FCHO1: variants seen among roughly 807,000 people sequenced by gnomAD.
FCHO1 encodes the protein FCH and mu domain containing endocytic adaptor 1, also known as F-BAR domain only protein 1.
Under a neutral mutation model 114.4 loss-of-function variants are expected in FCHO1, and 45 were observed. The ratio of observed to expected loss-of-function variants is 0.39; its 90% CI spans 0.31 to 0.50. The LOEUF is 0.50. Among genes scored for constraint, FCHO1 ranks in the 20% least tolerant of loss-of-function variants. The probability of loss-of-function intolerance (pLI) is 0.77; values close to 1 mark genes in which losing one functional copy is unlikely to be tolerated. For missense variants in FCHO1, 1,042 were observed against 1,209.6 expected, an observed-to-expected ratio of 0.86 and a Z score of 2.06; for synonymous variants, 480 against 488.9, an observed-to-expected ratio of 0.98 and a Z score of 0.24.
chr19:17,777,579 A>G, intron 18 of FCHO1, among the ~76,000 whole-genome samples: 1 of 149,268 alleles, frequency 6.7e-6, no homozygotes, highest in African/African-American at 2.5e-5. Context: ...AAGTTAGAGC[A>G]TATTCGATAC....
chr19:17,748,163 A>C (rs1599486036), upstream of FCHO1, among the ~76,000 whole-genome samples: 1 of 152,204 alleles, frequency 6.6e-6, no homozygotes, highest in African/African-American at 2.4e-5. Flanking sequence ...CTCCCCTTCC[A>C]GCCTGGAACC....
upstream of FCHO1, among the ~76,000 whole-genome samples, chr19:17,751,321 C>T (rs942100985): frequency 6.6e-6 from 1 of 152,102 alleles, no homozygotes; most frequent in African/African-American, 2.4e-5. This position sits in a 1 kb window ranked among gnomAD's most constrained non-coding sequence, Gnocchi z 4.4. Context: ...AGGTTCAGGC[C>T]GGGGGGCTCC....
chr19:17,767,410 A>C (rs1691763472), intron 7 of FCHO1, among the ~76,000 whole-genome samples: 3 of 146,700 alleles, frequency 2.0e-5, no homozygotes, highest in East Asian at 2.0e-4. Flanking sequence ...AAAAAAAAAC[A>C]CCCAAAACTA....
At position 17,782,393 on chromosome 19, in the gene FCHO1, A is replaced by G. The variant is rs536694505; in HGVS notation, c.1937+573A>G. Among the ~76,000 whole-genome samples, 35 of 152,116 alleles carry G rather than the reference A, an allele frequency of 2.3e-4. No individual in the cohort carries two copies. In the South Asian group the frequency reaches 6.7e-3, roughly 29 times the overall value. Reference sequence around the variant, plus strand: ...CTGATTTTGTGTCTTTAGTAGAGACAGGGTTTCACCATGTTGGCCAGGCTG... The same window carrying G: ...CTGATTTTGTGTCTTTAGTAGAGACGGGGTTTCACCATGTTGGCCAGGCTG... On this transcript the variant is annotated intron_variant, in intron 23 of 28. Coordinates refer to ENST00000596536, the MANE Select transcript of FCHO1 (RefSeq NM_015122.3).
intron 5 of FCHO1, among the ~76,000 whole-genome samples, chr19:17,764,056 T>TC (rs1392334072): frequency 6.6e-6 from 1 of 151,562 alleles, no homozygotes; most frequent in East Asian, 1.9e-4. Context: ...TTTTTTTTTT[T>TC]TGCGATGGAG....
At chr19:17,771,252 G>A (rs574891308) in intron 9 of FCHO1, among the ~76,000 whole-genome samples, 15 of 146,770 alleles carry the variant, frequency 1.0e-4, no homozygotes, top group East Asian at 4.1e-4. Flanking sequence ...ACCCTGTCTC[G>A]AAAAAATAAA....
At chr19:17,785,979 A>T (rs123389) in intron 26 of FCHO1, among the ~76,000 whole-genome samples, 44,249 of 145,854 alleles carry the variant, frequency 0.3, 7,156 homozygotes, top group Non-Finnish European at 0.36. Context: ...ACAAAAATTT[A>T]AAAAAAAAAA....
At chr19:17,777,015 C>T (rs1036732595) in intron 18 of FCHO1, among the ~76,000 whole-genome samples, 1 of 150,890 alleles carries the variant, frequency 6.6e-6, no homozygotes, top group East Asian at 2.0e-4. Context: ...CCCGGCTGGT[C>T]TCGAACTCCT....
chr19:17,756,260 C>T (rs984206808), intron 4 of FCHO1, among the ~76,000 whole-genome samples: 1 of 152,150 alleles, frequency 6.6e-6, no homozygotes, highest in African/African-American at 2.4e-5. Context: ...TCAGACTCCC[C>T]GATTTGCCCC....
chr19:17,755,242 T>A, intron 4 of FCHO1, 51 bp downstream of exon 4: 2 of 1,526,166 alleles, frequency 1.3e-6, no homozygotes, highest in Non-Finnish European at 8.9e-7. Context: ...CTGTGGGGAC[T>A]TTTATGGAGA....
chr19:17,761,546 A>G (rs986594705), intron 4 of FCHO1, among the ~76,000 whole-genome samples: 1 of 151,562 alleles, frequency 6.6e-6, no homozygotes, highest in Non-Finnish European at 1.5e-5. Context: ...TATCAGTTCT[A>G]GGAGTTTTTT....
intron 7 of FCHO1, 28 bp from the exon 8 acceptor site, chr19:17,770,397 A>G: frequency 6.3e-7 from 1 of 1,585,418 alleles, no homozygotes; most frequent in South Asian, 1.1e-5. Flanking sequence ...TTCACAGTCT[A>G]CCCATGAAAT....
intron 26 of FCHO1, among the ~76,000 whole-genome samples, chr19:17,785,759 G>A (rs1310998219): frequency 1.3e-5 from 2 of 149,410 alleles, no homozygotes; most frequent in African/African-American, 2.5e-5. Flanking sequence ...GCGTGAACCC[G>A]GGAGGTGGAG....
intron 23 of FCHO1, among the ~76,000 whole-genome samples, chr19:17,782,208 G>A (rs370584633): frequency 6.6e-6 from 1 of 151,468 alleles, no homozygotes; most frequent in African/African-American, 2.4e-5. Context: ...TTATTTGTTT[G>A]TTTGTTTGTT....
At chr19:17,774,805 C>T in intron 13 of FCHO1, 2 of 585,152 alleles carry the variant, frequency 3.4e-6, no homozygotes, top group Non-Finnish European at 6.1e-6. Context: ...CCTATCTTCA[C>T]AAGGCAGCCC....
At chr19:17,756,710 C>T (rs1350884148) in intron 4 of FCHO1, among the ~76,000 whole-genome samples, 1 of 152,192 alleles carries the variant, frequency 6.6e-6, no homozygotes, top group Admixed American at 6.5e-5. Context: ...TGACATCTGT[C>T]ATCAGTTGCT....
At chr19:17,764,123 T>G (rs1421121659) in intron 5 of FCHO1, among the ~76,000 whole-genome samples, 1 of 150,786 alleles carries the variant, frequency 6.6e-6, no homozygotes, top group Admixed American at 6.6e-5. Context: ...CACCGCAACC[T>G]CCACCTCCTA....
At position 17,778,695 on chromosome 19, in the gene FCHO1, C is replaced by T. The variant is rs767085060; in HGVS notation, c.1438C>T (p.Pro480Ser). ...ENVEDSGLDS[P>S]SHAAPGPSPD... ...CGTGGAGGATTCCGGCCTGGACTCT[C>T]CGTCCCACGCGGCACCTGGCCCCTC... Residue 480 changes from proline (P) to serine (S), a missense_variant, in exon 20 of 29, where the codon CCG becomes TCG. By Grantham distance (74) the Pro-to-Ser change is moderately conservative (BLOSUM62 -1). Coordinates refer to ENST00000596536, the MANE Select transcript of FCHO1 (RefSeq NM_015122.3). The T allele has an allele frequency of 6.4e-7, 1 of 1,555,274 alleles. No individual in the cohort carries two copies.
At chr19:17,748,580 C>A (rs1461352417), upstream of FCHO1, among the ~76,000 whole-genome samples, 1 of 147,382 alleles carries the variant, frequency 6.8e-6, no homozygotes, top group Non-Finnish European at 1.5e-5. Context: ...TAAAATAAAT[C>A]GAGGTAAATT....
Sources: allele counts gnomAD v4.1 joint callset (sites outside exome capture counted in the v4.1 genomes callset), GRCh38; gene constraint gnomAD v4.1.1; non-coding constraint Gnocchi (gnomAD v3.1); transcripts MANE v1.5; gene names NCBI Gene and HGNC (gene_info 2026-07-23, HGNC 2026-07-21).